The following WDR76 variants were observed in gnomAD, a reference collection of about 807,000 sequenced individuals.
The protein encoded by WDR76 is WD repeat-containing protein 76.
A neutral mutation model predicts 70.2 loss-of-function variants in WDR76; 52 were observed. The ratio of observed to expected loss-of-function variants is 0.74; its 90% confidence interval spans 0.59 to 0.93. The LOEUF (loss-of-function observed/expected upper bound fraction) is 0.93, where lower values mean the gene tolerates loss of function less well. WDR76 is among the 40% of genes least tolerant of loss of function. WDR76 has a pLI of 0.00. For synonymous variants in WDR76, 292 were observed against 271.1 expected, an observed-to-expected ratio of 1.08 and a Z score of -0.76; for missense variants, 756 against 760.2, an observed-to-expected ratio of 0.99 and a Z score of 0.07.
chr15:43,849,434 A>T (rs905944722), intron 8 of WDR76, among the ~76,000 whole-genome samples: 6 of 152,228 alleles, frequency 3.9e-5, no homozygotes, highest in African/African-American at 7.2e-5. Flanking sequence ...AGAAATTTTA[A>T]AAAAGGACCA....
chr15:43,851,343 T>A, intron 9 of WDR76, 98 bp downstream of exon 9: 1 of 1,499,034 alleles, frequency 6.7e-7, no homozygotes, highest in Non-Finnish European at 9.1e-7. Flanking sequence ...AGAAGTGGTA[T>A]AGCAGAAGGA....
At chr15:43,863,522 C>G (rs991346847) in intron 12 of WDR76, among the ~76,000 whole-genome samples, 2 of 151,702 alleles carry the variant, frequency 1.3e-5, no homozygotes, top group Non-Finnish European at 2.9e-5. Context: ...CAAACCTTTC[C>G]CTCTCTGCCC....
intron 2 of WDR76, among the ~76,000 whole-genome samples, chr15:43,834,737 G>A (rs961319807): frequency 6.6e-6 from 1 of 152,078 alleles, no homozygotes; most frequent in Non-Finnish European, 1.5e-5. Flanking sequence ...GTGAGCCACT[G>A]CCCCTGGCCA....
chr15:43,850,248 G>A (rs2087839643), intron 8 of WDR76, among the ~76,000 whole-genome samples: 1 of 151,398 alleles, frequency 6.6e-6, no homozygotes, highest in Admixed American at 6.6e-5. Flanking sequence ...TCAAATACAT[G>A]CATTTTTATG....
At chr15:43,856,835 A>G (rs1305415467) in intron 9 of WDR76, 111 bp from the exon 10 acceptor site, 2 of 887,046 alleles carry the variant, frequency 2.3e-6, no homozygotes, top group Non-Finnish European at 3.4e-6. Context: ...TGAGAGGATA[A>G]ATGAGGTTAT....
In WDR76 at chr15:43,861,373, C is replaced by T. The variant is rs150494621; in HGVS notation, c.1603C>T (p.Leu535Phe). Residue 535 changes from leucine to phenylalanine, a missense_variant, in exon 12 of 13, where the codon CTC becomes TTC. By Grantham distance (22) the Leu-to-Phe change is conservative. Transcript: ENST00000263795. ...SSCISSKIPL[L>F]TTIRHNTFTG... ...CTGTATATCTTCTAAGATTCCGCTC[C>T]TCACCACCATCAGGTAGGCTTCTAT... The T allele has an allele frequency of 5.4e-3, 8,698 of 1,613,848 alleles. 35 individuals carry two copies. Among genetic ancestry groups the T allele is most frequent in the Non-Finnish European group, 6.5e-3 (7,651 of 1,179,832 alleles).
rs538651513 is a variant in WDR76, at chr15:43,842,453, A to C, written c.771A>C (p.Glu257Asp). The change falls in exon 6 of 13, where the codon GAA becomes GAC. Residue 257 changes from glutamate (E) to aspartate (D), a missense_variant. By Grantham distance (45) the Glu-to-Asp change is conservative (BLOSUM62 2). Coordinates refer to ENST00000263795, the MANE Select transcript of WDR76 (RefSeq NM_024908.4). ...CTGGGCCTTTAGAAATGACTTCTGA[A>C]AATCAAGAAGACAACAATGAACGAT... ...LPPGPLEMTS[E>D]NQEDNNERFK... The C allele has an allele frequency of 7.5e-5, 121 of 1,614,108 alleles. 1 individual carries two copies. The South Asian group carries it at 1.1e-3, about 15-fold the overall frequency.
intron 8 of WDR76, among the ~76,000 whole-genome samples, chr15:43,844,650 C>T (rs1489494980): frequency 6.6e-6 from 1 of 151,446 alleles, no homozygotes; most frequent in African/African-American, 2.4e-5. Flanking sequence ...TGGCTCACGC[C>T]TGTAATCCCA....
chr15:43,839,940 C>T (rs897292448), intron 5 of WDR76, among the ~76,000 whole-genome samples: 3 of 152,020 alleles, frequency 2.0e-5, no homozygotes, highest in East Asian at 3.9e-4. Context: ...TCACTGCAAC[C>T]CCCTCCTCCC....
At chr15:43,849,440 G>T (rs1000230889) in intron 8 of WDR76, among the ~76,000 whole-genome samples, 6 of 152,134 alleles carry the variant, frequency 3.9e-5, no homozygotes, top group African/African-American at 1.4e-4. Context: ...TTTAAAAAAG[G>T]ACCATGCTGT....
In WDR76 at chr15:43,857,474, A is replaced by G. The variant is rs969231372; in HGVS notation, c.1409+311A>G. 5 of 985,310 alleles carry G rather than the reference A, an allele frequency of 5.1e-6. No homozygotes were observed. The African/African-American group carries it at 7.0e-5, about 14-fold the overall frequency. 61.0% of individuals were successfully genotyped at this position (985,310 alleles called of 1,614,324 possible). A position where few individuals can be genotyped will look rare whatever the true frequency, so the allele number is the denominator to read the frequency against. ...CAGAAAAAAAAGTTACATGTGACCT[A>G]TAACTTGTTGGCCTGTGTTAACTTT... On this transcript the variant is annotated intron_variant, in intron 10 of 12. Transcript: ENST00000263795.
intron 4 of WDR76, among the ~76,000 whole-genome samples, chr15:43,836,868 TAAA>T (rs779650391): frequency 1.5e-5 from 2 of 129,146 alleles, no homozygotes; most frequent in African/African-American, 2.9e-5. Context: ...CCATCGCTAC[TAAA>T]AAAAAAAAAA....
intron 8 of WDR76, among the ~76,000 whole-genome samples, chr15:43,847,022 C>CAAAAA (rs57096588): frequency 6.0e-5 from 4 of 66,700 alleles, no homozygotes; most frequent in Non-Finnish European, 9.6e-5. Context: ...AACACCACCT[C>CAAAAA]AAAAAAAAAA....
intron 8 of WDR76, among the ~76,000 whole-genome samples, chr15:43,846,059 T>C (rs545241847): frequency 8.1e-4 from 122 of 149,956 alleles, no homozygotes; most frequent in Middle Eastern, 3.4e-3. Flanking sequence ...CAGAATAGTA[T>C]GTTTTGGAAG....
intron 12 of WDR76, among the ~76,000 whole-genome samples, chr15:43,862,276 C>CTTTTTT: frequency 8.8e-4 from 37 of 41,912 alleles, no homozygotes; most frequent in East Asian, 1.4e-3. Context: ...TTATCAGTTT[C>CTTTTTT]TTTTTTTTTT....
At chr15:43,854,449 G>T (rs958039113) in intron 9 of WDR76, among the ~76,000 whole-genome samples, 6 of 151,670 alleles carry the variant, frequency 4.0e-5, no homozygotes, top group Non-Finnish European at 7.4e-5. Context: ...TGCGCCTGTG[G>T]TCCCAGCTAC....
rs371004077 is a variant in WDR76 at position 43,839,554 on chromosome 15, T to C, written c.609-51T>C. On this transcript the variant is annotated intron_variant, in intron 4 of 12. Transcript: ENST00000263795. ...AAGTTATCTCTTTAGTATTAGTAAA[T>C]ACATTTTATTGTTTTGTGAGTATAA... The C allele has an allele frequency of 1.0e-4, 155 of 1,555,000 alleles. No homozygotes were observed. In the African/African-American group the frequency reaches 1.8e-3, roughly 18 times the overall value.
Position 43,836,191 on chromosome 15 carries a change from A to T in WDR76, c.583A>T (p.Lys195Ter). ...TGCAAGACTCCGTGAAATGATAGAG[A>T]AGAGACAGCCTCCTAAATCCAAAAG... is the stretch of plus-strand genomic sequence containing the variant. ...SAARLREMIE[K>*]RQPPKSKRKK... Residue 195 changes from lysine (K) to a stop codon, truncating the protein, a stop_gained, in exon 4 of 13, where the codon AAG becomes TAG. Transcript: ENST00000263795. LOFTEE classifies it high-confidence loss of function. The T allele has an allele frequency of 6.2e-7, 1 of 1,609,748 alleles. No homozygotes were observed. Among genetic ancestry groups the T allele is most frequent in the Non-Finnish European group, 8.5e-7 (1 of 1,178,116 alleles).
intron 8 of WDR76, among the ~76,000 whole-genome samples, chr15:43,848,975 T>G (rs547168717): frequency 1.3e-5 from 2 of 149,122 alleles, no homozygotes; most frequent in African/African-American, 5.0e-5. Context: ...CATTTCAGAT[T>G]ACCTGCTGTC....
Sources: allele counts gnomAD v4.1 joint callset (sites outside exome capture counted in the v4.1 genomes callset), GRCh38; gene constraint gnomAD v4.1.1; transcripts MANE v1.5; gene names NCBI Gene and HGNC (gene_info 2026-07-23, HGNC 2026-07-21).